The following PPARGC1A variants were observed in gnomAD, a reference collection of about 807,000 sequenced individuals.
PPARGC1A encodes peroxisome proliferator-activated receptor gamma coactivator 1-alpha.
In PPARGC1A, 25 loss-of-function variants were observed where a neutral mutation model predicts 88.7. The ratio of observed to expected loss-of-function variants is 0.28; its 90% confidence interval spans 0.21 to 0.39. PPARGC1A has a LOEUF of 0.39. Among genes scored for constraint, PPARGC1A ranks in the 10% least tolerant of loss-of-function variants. The pLI is 1.00. For missense variants in PPARGC1A, 880 were observed against 968.7 expected (o/e 0.91, Z 1.22); for synonymous variants, 363 against 355.6 (o/e 1.02, Z -0.24).
At chr4:24,137,772 G>A in the PPARGC1A span, among the ~76,000 whole-genome samples, 5 of 152,296 alleles carry the variant, frequency 3.3e-5, no homozygotes, top group African/African-American at 4.8e-5. Context: ...CTAAGCCACC[G>A]ACAAGGGGTC....
chr4:24,354,866 G>A, the PPARGC1A span, among the ~76,000 whole-genome samples: 2 of 151,382 alleles, frequency 1.3e-5, no homozygotes, highest in South Asian at 2.1e-4. Flanking sequence ...CAGCATGGGC[G>A]ACAGAGCAAG....
At chr4:24,235,142 T>C in the PPARGC1A span, among the ~76,000 whole-genome samples, 2 of 152,174 alleles carry the variant, frequency 1.3e-5, no homozygotes, top group African/African-American at 2.4e-5. Context: ...AGAAAAAATG[T>C]CAGAGAAGCA....
upstream of PPARGC1A, among the ~76,000 whole-genome samples, chr4:23,901,882 G>A (rs1424739998): frequency 6.6e-6 from 1 of 152,046 alleles, no homozygotes; most frequent in Non-Finnish European, 1.5e-5. Context: ...GATATTTAAG[G>A]GTTTTTTTTT....
the PPARGC1A span, among the ~76,000 whole-genome samples, chr4:24,382,119 C>G: frequency 6.6e-6 from 1 of 151,756 alleles, no homozygotes; most frequent in Admixed American, 6.6e-5. Flanking sequence ...AATATTCAGT[C>G]GGACATTATA....
the PPARGC1A span, among the ~76,000 whole-genome samples, chr4:24,067,714 G>A: frequency 6.6e-6 from 1 of 152,166 alleles, no homozygotes; most frequent in South Asian, 2.1e-4. Context: ...AGGGGTCCAG[G>A]ATGGTTTGTT....
the PPARGC1A span, among the ~76,000 whole-genome samples, chr4:24,117,073 A>G: frequency 1.3e-5 from 2 of 152,142 alleles, no homozygotes; most frequent in African/African-American, 4.8e-5. Flanking sequence ...CAGAAAATAC[A>G]TATATTTTAG....
the PPARGC1A span, among the ~76,000 whole-genome samples, chr4:24,288,839 C>T: frequency 1.0e-3 from 153 of 152,262 alleles, 1 homozygote; most frequent in Non-Finnish European, 1.6e-3. Flanking sequence ...CTTAGAGAGA[C>T]GACTGCAAAT....
chr4:24,117,624 AC>A, the PPARGC1A span, among the ~76,000 whole-genome samples: 1 of 151,724 alleles, frequency 6.6e-6, no homozygotes, highest in East Asian at 1.9e-4. Context: ...AATGACACTT[AC>A]AAAAAGAGCT....
the PPARGC1A span, among the ~76,000 whole-genome samples, chr4:24,120,183 G>C: frequency 6.6e-6 from 1 of 152,162 alleles, no homozygotes; most frequent in African/African-American, 2.4e-5. Flanking sequence ...GGTTCAACCA[G>C]TTGATAAGTG....
upstream of PPARGC1A, among the ~76,000 whole-genome samples, chr4:23,907,394 G>A (rs535299070): frequency 2.0e-5 from 3 of 152,196 alleles, no homozygotes; most frequent in South Asian, 2.1e-4. Context: ...ACCCTTTCTC[G>A]ATTTGCAAAT....
chr4:24,242,644 T>C, the PPARGC1A span, among the ~76,000 whole-genome samples: 13 of 152,158 alleles, frequency 8.5e-5, no homozygotes, highest in African/African-American at 3.1e-4. Context: ...ACGTATGTCA[T>C]CTTCACCCCC....
At chr4:23,798,987 T>C (rs186086491) in intron 12 of PPARGC1A, among the ~76,000 whole-genome samples, 1 of 152,294 alleles carries the variant, frequency 6.6e-6, no homozygotes, top group Admixed American at 6.5e-5. Context: ...CTAACTTAAT[T>C]TGGGGGAGCA....
the PPARGC1A span, among the ~76,000 whole-genome samples, chr4:23,957,140 C>T: frequency 3.9e-5 from 6 of 152,190 alleles, no homozygotes; most frequent in African/African-American, 1.4e-4. Flanking sequence ...TCATTTCCTG[C>T]CACCCAGCCT....
At chr4:24,111,501 G>C in the PPARGC1A span, among the ~76,000 whole-genome samples, 1 of 152,154 alleles carries the variant, frequency 6.6e-6, no homozygotes, top group East Asian at 1.9e-4. Context: ...TGTGGAAACT[G>C]TTTCTAAAGG....
At chr4:24,266,096 A>T in the PPARGC1A span, among the ~76,000 whole-genome samples, 5 of 152,232 alleles carry the variant, frequency 3.3e-5, no homozygotes, top group African/African-American at 1.2e-4. Context: ...AATCAAGAAC[A>T]GAACGTAACG....
the PPARGC1A span, among the ~76,000 whole-genome samples, chr4:23,921,274 CGT>C: frequency 1.3e-5 from 2 of 151,412 alleles, no homozygotes; most frequent in Non-Finnish European, 3.0e-5. Context: ...CAAGTGCATG[CGT>C]GTGTGTGTGT....
the PPARGC1A span, among the ~76,000 whole-genome samples, chr4:24,016,346 C>A: frequency 2.0e-5 from 3 of 152,126 alleles, no homozygotes; most frequent in Non-Finnish European, 2.9e-5. Flanking sequence ...ATATTTGAAC[C>A]AATCGGCCAA....
the PPARGC1A span, among the ~76,000 whole-genome samples, chr4:24,196,084 G>C: frequency 1.3e-5 from 2 of 152,218 alleles, no homozygotes; most frequent in Admixed American, 1.3e-4. Flanking sequence ...ATAGAGAGAG[G>C]ATTTACTTGC....
chr4:24,166,842 A>G, the PPARGC1A span, among the ~76,000 whole-genome samples: 1 of 152,194 alleles, frequency 6.6e-6, no homozygotes, highest in African/African-American at 2.4e-5. Context: ...CTCATTGACA[A>G]TACACCTGGT....
Sources: gnomAD v4.1 joint callset for allele counts (sites outside exome capture counted in the v4.1 genomes callset) on GRCh38, gnomAD v4.1.1 for gene constraint, MANE v1.5 for transcripts, NCBI Gene and HGNC (gene_info 2026-07-23, HGNC 2026-07-21) for gene names.